DNAJC11: variants seen among roughly 807,000 people sequenced by gnomAD.
DNAJC11 encodes dnaJ homolog subfamily C member 11.
DNAJC11 carries 15 observed loss-of-function variants against 78.6 expected under a neutral mutation model. The observed-to-expected ratio is 0.19, with a 90% CI of 0.13 to 0.29. The LOEUF (loss-of-function observed/expected upper bound fraction) is 0.29. Ranked by LOEUF, DNAJC11 falls within the 10% of genes least tolerant of loss-of-function variation. The probability of loss-of-function intolerance (pLI) is 1.00; values close to 1 mark genes in which losing one functional copy is unlikely to be tolerated. For missense variants in DNAJC11, 547 were observed against 709.6 expected, an observed-to-expected ratio of 0.77 and a Z score of 2.60; for synonymous variants, 292 against 272.1, an observed-to-expected ratio of 1.07 and a Z score of -0.72.
chr1:6,684,083 C>CTTT (rs1335878289), intron 1 of DNAJC11, among the ~76,000 whole-genome samples: 1 of 140,242 alleles, frequency 7.1e-6, no homozygotes, highest in Non-Finnish European at 1.6e-5. Flanking sequence ...AAATCATTTT[C>CTTT]TTTTTTTTTT....
chr1:6,694,714 G>T (rs1016897424), intron 1 of DNAJC11, among the ~76,000 whole-genome samples: 2 of 151,114 alleles, frequency 1.3e-5, no homozygotes, highest in African/African-American at 4.9e-5. Context: ...ACCTATAATC[G>T]CAGCACTTTG....
chr1:6,650,520 C>T (rs1392112143), intron 7 of DNAJC11, among the ~76,000 whole-genome samples: 2 of 151,940 alleles, frequency 1.3e-5, no homozygotes, highest in South Asian at 2.1e-4. Context: ...GGACTATGAT[C>T]GGACTATTGC....
At chr1:6,694,654 A>G (rs2147886832) in intron 1 of DNAJC11, among the ~76,000 whole-genome samples, 1 of 152,058 alleles carries the variant, frequency 6.6e-6, no homozygotes, top group East Asian at 1.9e-4. Context: ...TCATGCCACC[A>G]TGCCCAGCTA....
At chr1:6,644,746 G>A in intron 9 of DNAJC11, 72 bp from the exon 10 acceptor site, 1 of 1,335,022 alleles carries the variant, frequency 7.5e-7, no homozygotes, top group Admixed American at 1.7e-5. Flanking sequence ...CATTTGAGAA[G>A]AGGCCAGGTA....
At position 6,667,667 on chromosome 1, in the gene DNAJC11, C is replaced by A. The variant is rs750609637; in HGVS notation, c.378+42G>T. The A allele has an allele frequency of 3.2e-6, 5 of 1,557,640 alleles. No individual in the cohort carries two copies. In the Admixed American group the frequency reaches 5.0e-5, roughly 16 times the overall value. ...CAGACCTGGCTTCTAGTTATGAGGC[C>A]TTTTCATGAAGTGTCCTCATGAAAC... On this transcript the variant is annotated intron_variant, in intron 4 of 15. Coordinates refer to ENST00000377577, the MANE Select transcript of DNAJC11 (RefSeq NM_018198.4).
chr1:6,647,791 G>A (rs544765080), intron 7 of DNAJC11, among the ~76,000 whole-genome samples: 6 of 152,164 alleles, frequency 3.9e-5, no homozygotes, highest in Middle Eastern at 3.4e-3. Flanking sequence ...CTCCAGCCTG[G>A]TGACAGAGCA....
chr1:6,656,248 A>G (rs1307923677), intron 4 of DNAJC11, among the ~76,000 whole-genome samples: 1 of 152,178 alleles, frequency 6.6e-6, no homozygotes, highest in African/African-American at 2.4e-5. Context: ...TTGAAATTCC[A>G]TAACGGCATT....
Position 6,635,666 on chromosome 1 carries a change from C to T in DNAJC11, c.*9G>A. 1 of 1,613,832 alleles carries T rather than the reference C, an allele frequency of 6.2e-7. No homozygotes were observed. Among genetic ancestry groups the T allele is most frequent in the Non-Finnish European group, 8.5e-7 (1 of 1,179,898 alleles). ...TTTGCGGCCTTTTAAAAATCTGGTT[C>T]TTGGCAGTTTATCCATCTGTATCGA... is the stretch of plus-strand genomic sequence containing the variant. On this transcript the variant is annotated 3_prime_UTR_variant, in exon 16 of 16. Transcript: ENST00000377577.
chr1:6,652,084 T>C (rs1642065562), intron 6 of DNAJC11, among the ~76,000 whole-genome samples: 1 of 152,226 alleles, frequency 6.6e-6, no homozygotes, highest in Admixed American at 6.5e-5. Context: ...CAGCCGCGGT[T>C]CCACACCCGC....
chr1:6,684,948 TC>T lies in DNAJC11; in HGVS notation c.73-3912del, dbSNP rs139935639. Reference sequence around the variant, plus strand: ...GACTGACATCATACAAAATATCTTCTCCTACCACAAGAGGATGAAGTCAGAA... The same window carrying T: ...GACTGACATCATACAAAATATCTTCTCTACCACAAGAGGATGAAGTCAGAA... On this transcript the variant is annotated intron_variant, in intron 1 of 15. Transcript: ENST00000377577. Among the ~76,000 whole-genome samples, 401 of 152,318 alleles carry T rather than the reference TC, an allele frequency of 2.6e-3. 3 individuals are homozygous for T. Among genetic ancestry groups the T allele is most frequent in the African/African-American group, 9.2e-3 (383 of 41,562 alleles).
intron 12 of DNAJC11, chr1:6,637,982 G>A (rs1455431487): frequency 5.1e-6 from 2 of 391,488 alleles, no homozygotes; most frequent in African/African-American, 4.1e-5. Flanking sequence ...ACGGCCCATG[G>A]CCACCTGGCA....
Position 6,634,711 on chromosome 1 carries a change from A to C in DNAJC11, c.*964T>G, listed in dbSNP as rs762162388. ...GGCACGTGGAGGAAGGGTCTGAAGG[A>C]AGGCTCCGGAGCACAGGCCCTGGTG... On this transcript the variant is annotated 3_prime_UTR_variant, in exon 16 of 16. Transcript: ENST00000377577. The C allele has an allele frequency of 4.3e-5, 58 of 1,363,940 alleles. No homozygotes were observed. Among genetic ancestry groups the C allele is most frequent in the African/African-American group, 3.1e-4 (21 of 67,692 alleles). The allele number at this position is 1,363,940 out of a possible 1,614,324, so 84.5% of individuals were successfully genotyped here.
At chr1:6,650,063 C>T in intron 7 of DNAJC11, among the ~76,000 whole-genome samples, 1 of 143,492 alleles carries the variant, frequency 7.0e-6, no homozygotes, top group African/African-American at 2.6e-5. Flanking sequence ...GTGGGAGGAT[C>T]ACCTGAGGTC....
Position 6,639,916 on chromosome 1 carries a change from C to A in DNAJC11, c.1239G>T (p.Arg413Ser). Residue 413 changes from arginine (R) to serine (S), a missense_variant, in exon 11 of 16, where the codon AGG (arginine) becomes AGT (serine). By Grantham distance (110) the Arg-to-Ser change is moderately radical. Transcript: ENST00000377577. ...TGTCAACTCACTTCTCTTTCTGAGC[C>A]CTGAGGTATGGTTTGATGATCAGAC... ...MHRLIIKPYLRAQKEKELEKQ... is the reference protein window; with the variant it reads ...MHRLIIKPYLSAQKEKELEKQ... 1 of 1,612,890 alleles carries A rather than the reference C, an allele frequency of 6.2e-7. No individual in the cohort carries two copies. Among genetic ancestry groups the A allele is most frequent in the Non-Finnish European group, 8.5e-7 (1 of 1,179,674 alleles).
rs1641765021 is a variant in DNAJC11, at chr1:6,636,218, C to G, written c.1553G>C (p.Cys518Ser). The G allele has an allele frequency of 6.2e-7, 1 of 1,614,020 alleles. No individual in the cohort carries two copies. Among genetic ancestry groups the G allele is most frequent in the Admixed American group, 1.7e-5 (1 of 60,000 alleles). ...TTTCAGGTTCTTCTCTTCCCCCACA[C>G]ACGGGTCATAAAAGCCAGGCAGCCC... ...KAGLPGFYDP[C>S]VGEEKNLKVL... The change falls in exon 15 of 16, where the codon TGT becomes TCT. Residue 518 changes from cysteine to serine, a missense_variant. Cys to Ser is a moderately radical substitution (Grantham distance 112). Transcript: ENST00000377577.
At chr1:6,649,783 T>C (rs573622283) in intron 7 of DNAJC11, among the ~76,000 whole-genome samples, 4 of 149,030 alleles carry the variant, frequency 2.7e-5, no homozygotes, top group East Asian at 4.1e-4. Flanking sequence ...TCTTGGATCA[T>C]TGCAACCTCC....
intron 1 of DNAJC11, among the ~76,000 whole-genome samples, chr1:6,694,993 A>G (rs1570317754): frequency 1.4e-5 from 2 of 147,938 alleles, no homozygotes; most frequent in South Asian, 4.3e-4. Flanking sequence ...AAAAAAAAAA[A>G]AAATCAGCTG....
rs552186523 is a variant in DNAJC11, at chr1:6,665,332, G to A, written c.378+2377C>T. On this transcript the variant is annotated intron_variant, in intron 4 of 15. Coordinates refer to ENST00000377577, the MANE Select transcript of DNAJC11 (RefSeq NM_018198.4). Reference sequence around the variant, plus strand: ...AATCCTCCTGCCTTGGCCTCCCAAAGTGCTGGGATTACAGGCATGCACCAC... The same window carrying A: ...AATCCTCCTGCCTTGGCCTCCCAAAATGCTGGGATTACAGGCATGCACCAC... Among the ~76,000 whole-genome samples, 221 of 152,296 alleles carry A rather than the reference G, an allele frequency of 1.5e-3. 3 individuals are homozygous for A. The highest frequency in any genetic ancestry group is 0.013 in the Admixed American group (198 of 15,292).
chr1:6,674,526 A>G (rs1642429899), intron 3 of DNAJC11, among the ~76,000 whole-genome samples: 1 of 152,050 alleles, frequency 6.6e-6, no homozygotes, highest in East Asian at 1.9e-4. Context: ...ACGCCACTAC[A>G]CTCAGCCTGG....
Sources: allele counts gnomAD v4.1 joint callset (sites outside exome capture counted in the v4.1 genomes callset), GRCh38; gene constraint gnomAD v4.1.1; transcripts MANE v1.5; gene names NCBI Gene and HGNC (gene_info 2026-07-23, HGNC 2026-07-21).